The following PZP variants were observed in gnomAD, a reference collection of about 807,000 sequenced individuals.
PZP encodes the protein PZP alpha-2-macroglobulin like.
In PZP, 150 loss-of-function variants were observed where a neutral mutation model predicts 179.8. The observed-to-expected ratio is 0.83, with a 90% CI of 0.73 to 0.96. The LOEUF is 0.96. PZP is among the 40% of genes least tolerant of loss of function. The probability of loss-of-function intolerance (pLI) is 0.00; values close to 1 mark genes in which losing one functional copy is unlikely to be tolerated. For synonymous variants in PZP, 624 were observed against 652.3 expected (o/e 0.96, Z 0.66); for missense variants, 1,689 against 1,764.0 (o/e 0.96, Z 0.76).
Position 9,192,346 on chromosome 12 carries a change from G to C in PZP, c.1483-90C>G. 5 of 1,375,060 alleles carry C rather than the reference G, an allele frequency of 3.6e-6. No individual in the cohort carries two copies. The South Asian group carries it at 6.0e-5, about 16-fold the overall frequency. 85.2% of individuals were successfully genotyped at this position (1,375,060 alleles called of 1,614,324 possible). ...CACATGACCCACTTTCAGTTGTCAAGTCTGTGCTGGAGAGAATCAACCTCA... is the reference window on the plus strand; with the variant it reads ...CACATGACCCACTTTCAGTTGTCAACTCTGTGCTGGAGAGAATCAACCTCA... On this transcript the variant is annotated intron_variant, in intron 12 of 35. Transcript: ENST00000261336.
chr12:9,157,121 C>T, intron 28 of PZP, 54 bp downstream of exon 28: 1 of 1,544,758 alleles, frequency 6.5e-7, no homozygotes, highest in Non-Finnish European at 8.8e-7. Context: ...TGCTGTTCCC[C>T]TCCCTGTGTC....
At chr12:9,178,284 C>T (rs1324980961) in intron 15 of PZP, among the ~76,000 whole-genome samples, 4 of 152,158 alleles carry the variant, frequency 2.6e-5, no homozygotes, top group South Asian at 2.1e-4. Context: ...TCATCTTGCT[C>T]GGGATATGAA....
chr12:9,157,855 A>G lies in PZP; in HGVS notation c.3295-14T>C. The G allele has an allele frequency of 6.2e-7, 1 of 1,601,914 alleles. No homozygotes were observed. Among genetic ancestry groups the G allele is most frequent in the Non-Finnish European group, 8.6e-7 (1 of 1,169,436 alleles). ...TTCTACACCTCCCTGTGAATACAAC[A>G]TTGATTTGATTAATTCCAGTGCCAA... On this transcript the variant is annotated splice_polypyrimidine_tract_variant and intron_variant, in intron 26 of 35. Transcript: ENST00000261336.
chr12:9,151,547 G>C, intron 33 of PZP, 57 bp downstream of exon 33: 1 of 1,392,432 alleles, frequency 7.2e-7, no homozygotes, highest in East Asian at 2.3e-5. Context: ...CTAGTAAAGA[G>C]ACTCACTTAG....
the PZP span, among the ~76,000 whole-genome samples, chr12:9,136,492 TA>T: frequency 1.3e-5 from 2 of 152,150 alleles, no homozygotes; most frequent in Non-Finnish European, 2.9e-5. Context: ...TCTTGGCATT[TA>T]AAAAAGGCAA....
At chr12:9,145,133 A>C (rs1350723052), downstream of PZP, among the ~76,000 whole-genome samples, 1 of 152,116 alleles carries the variant, frequency 6.6e-6, no homozygotes, top group Middle Eastern at 3.2e-3. Context: ...CAGTCACTAT[A>C]TGTGTTTTCA....
chr12:9,187,081 A>AAT (rs1335739121), intron 13 of PZP, among the ~76,000 whole-genome samples: 1 of 150,918 alleles, frequency 6.6e-6, no homozygotes, highest in Non-Finnish European at 1.5e-5. Flanking sequence ...AAAGGTCAAA[A>AAT]AAAAAAAAAA....
chr12:9,184,730 G>T (rs761505898), intron 13 of PZP, among the ~76,000 whole-genome samples: 4 of 152,166 alleles, frequency 2.6e-5, no homozygotes, highest in Non-Finnish European at 5.9e-5. Flanking sequence ...TTAACCTCAA[G>T]GAGCCAGAGA....
Position 9,203,916 on chromosome 12 carries a change from G to T in PZP, c.119C>A (p.Thr40Asn), listed in dbSNP as rs773485458. ...GACACAGCCCTTCTTAGGGGCCTCA[G>T]TGTGGAGCAGGGAGGGGACCAGCAC... Reference protein sequence around the residue: ...YMVLVPSLLHTEAPKKGCVLL... With the variant: ...YMVLVPSLLHNEAPKKGCVLL... Residue 40 changes from threonine to asparagine, a missense_variant, in exon 2 of 36, where the codon ACT becomes AAT. This residue lies in a region of PZP where 742 missense variants were observed against 730.5 expected (regional missense o/e 1.02). Transcript: ENST00000261336. 2.5e-5 allele frequency: 40 copies of T among 1,613,902 alleles called. No individual in the cohort carries two copies. Among genetic ancestry groups the T allele is most frequent in the Non-Finnish European group, 3.1e-5 (37 of 1,179,902 alleles).
intron 33 of PZP, among the ~76,000 whole-genome samples, chr12:9,151,316 G>A (rs1940336656): frequency 6.6e-6 from 1 of 152,142 alleles, no homozygotes; most frequent in Non-Finnish European, 1.5e-5. Flanking sequence ...TCGTCAGGGA[G>A]TGGGGCCTTT....
In PZP at chr12:9,200,465, T is replaced by A. The variant is rs752205713; in HGVS notation, c.671-17A>T. On this transcript the variant is annotated splice_polypyrimidine_tract_variant and intron_variant, in intron 6 of 35. Coordinates refer to ENST00000261336, the MANE Select transcript of PZP (RefSeq NM_002864.3). ...TGGGAAGCACTGTTAATAGAGATAA[T>A]AGGAATAAGGAAGGTTGGTAAACAT... 1.9e-6 allele frequency: 3 copies of A among 1,558,896 alleles called. No individual in the cohort carries two copies. Among genetic ancestry groups the A allele is most frequent in the Admixed American group, 1.7e-5 (1 of 58,218 alleles).
At chr12:9,204,906 A>G (rs10843142) in intron 1 of PZP, among the ~76,000 whole-genome samples, 52,070 of 151,820 alleles carry the variant, frequency 0.34, 8,916 homozygotes, top group East Asian at 0.44. Context: ...AACAGCCTGC[A>G]CAACATTGTG....
intron 6 of PZP, 94 bp downstream of exon 6, chr12:9,200,798 G>T: frequency 7.5e-7 from 1 of 1,338,928 alleles, no homozygotes; most frequent in Non-Finnish European, 1.0e-6. Context: ...TCTACTGCAA[G>T]TTCAACATAT....
At chr12:9,175,473 A>G (rs1942301115) in intron 15 of PZP, among the ~76,000 whole-genome samples, 1 of 152,180 alleles carries the variant, frequency 6.6e-6, no homozygotes, top group Non-Finnish European at 1.5e-5. Flanking sequence ...AGATATAATT[A>G]AATTAAAGAA....
chr12:9,157,693 C>T (rs1940862174), intron 27 of PZP, 74 bp downstream of exon 27: 4 of 1,358,216 alleles, frequency 2.9e-6, no homozygotes, highest in Admixed American at 3.4e-5. Context: ...GAGACTCAAC[C>T]CTTAGCAGGG....
At chr12:9,199,522 A>G (rs1944028849) in intron 7 of PZP, among the ~76,000 whole-genome samples, 1 of 152,200 alleles carries the variant, frequency 6.6e-6, no homozygotes, top group South Asian at 2.1e-4. Context: ...TAAAACATTC[A>G]ATGTATCCTC....
intron 32 of PZP, 82 bp downstream of exon 32, chr12:9,152,138 G>A (rs1940401430): frequency 9.7e-7 from 1 of 1,029,648 alleles, no homozygotes; most frequent in Non-Finnish European, 1.5e-6. Flanking sequence ...ATGTTGACAT[G>A]GTTTTGATAT....
At chr12:9,199,515 A>C (rs1944028314) in intron 7 of PZP, among the ~76,000 whole-genome samples, 2 of 152,164 alleles carry the variant, frequency 1.3e-5, no homozygotes, top group Non-Finnish European at 2.9e-5. Flanking sequence ...ATCAATGTAA[A>C]ACATTCAATG....
At chr12:9,169,722 T>G in intron 15 of PZP, 131 bp from the exon 16 acceptor site, 1 of 814,892 alleles carries the variant, frequency 1.2e-6, no homozygotes, top group Non-Finnish European at 1.7e-6. Context: ...ACCTTAGAGA[T>G]AGTTGAAGAT....
Sources: allele counts gnomAD v4.1 joint callset (sites outside exome capture counted in the v4.1 genomes callset), GRCh38; gene constraint gnomAD v4.1.1; regional missense constraint gnomAD v4.1.1; transcripts MANE v1.5; gene names NCBI Gene and HGNC (gene_info 2026-07-23, HGNC 2026-07-21).